Variants in EXTL3 observed in about 807,000 individuals in gnomAD.
EXTL3 encodes the protein exostosin-like 3.
In EXTL3, 27 loss-of-function variants were observed where a neutral mutation model predicts 69.3. The observed-to-expected ratio is 0.39, with a 90% confidence interval of 0.29 to 0.54. The LOEUF (loss-of-function observed/expected upper bound fraction) is 0.54, where lower values mean the gene tolerates loss of function less well. Ranked by LOEUF, EXTL3 falls within the 20% of genes least tolerant of loss-of-function variation. EXTL3 has a pLI of 0.69. For missense variants in EXTL3, 1,003 were observed against 1,231.8 expected, an observed-to-expected ratio of 0.81 and a Z score of 2.78; for synonymous variants, 511 against 499.4, an observed-to-expected ratio of 1.02 and a Z score of -0.31.
chr8:28,702,105 C>T (rs1446695535), intron 1 of EXTL3, among the ~76,000 whole-genome samples: 2 of 152,216 alleles, frequency 1.3e-5, no homozygotes, highest in Admixed American at 6.5e-5. Context: ...CTTCTGTCGG[C>T]GGAGGCGCAG....
upstream of EXTL3, chr8:28,622,636 C>G (rs1738522365): frequency 6.7e-6 from 1 of 150,000 alleles, no homozygotes; most frequent in Non-Finnish European, 1.5e-5. Flanking sequence ...GAGCCGGGAG[C>G]CTCCCAGGGG....
chr8:28,744,724 C>T (rs369915132), intron 6 of EXTL3, among the ~76,000 whole-genome samples: 2 of 151,186 alleles, frequency 1.3e-5, no homozygotes, highest in South Asian at 2.1e-4. Flanking sequence ...AACCTGGAGG[C>T]GGAGGTTGCA....
In EXTL3 at chr8:28,737,582, C is replaced by G; in HGVS notation, c.2340C>G (p.Ile780Met). ...CTGGCCGTTACCACGCATGGGACAT[C>G]CCCCATCAGTCCTGGCTCTACAACT... ...GFPGRYHAWD[I>M]PHQSWLYNSN... Residue 780 changes from isoleucine to methionine, a missense_variant, in exon 5 of 7, where the codon ATC becomes ATG. Ile to Met is a conservative substitution (Grantham distance 10, BLOSUM62 1). Around this residue, in one of 2 missense-constraint regions of EXTL3, gnomAD observed 261 missense variants for 416.4 expected, o/e 0.63. Transcript: ENST00000220562. 1.2e-6 allele frequency: 2 copies of G among 1,614,032 alleles called. No individual in the cohort carries two copies.
chr8:28,724,047 A>T lies in EXTL3; in HGVS notation c.2148+5840A>T, dbSNP rs540896553. On this transcript the variant is annotated intron_variant, in intron 3 of 6. Transcript: ENST00000220562. The stretch of plus-strand genomic sequence containing the variant: ...CTTGTTTTTTTAAATAAAGATATGT[A>T]TAAAATATAGAAAATGTATAAAAAT... Among the ~76,000 whole-genome samples, 17 of 152,074 alleles carry T rather than the reference A, an allele frequency of 1.1e-4. 1 individual carries two copies. The South Asian group carries it at 3.1e-3, about 28-fold the overall frequency.
chr8:28,753,821 G>C lies in EXTL3; in HGVS notation c.*2955G>C, dbSNP rs1301894562. The C allele has an allele frequency of 6.6e-6, 1 of 152,358 alleles. No homozygotes were observed. Among genetic ancestry groups the C allele is most frequent in the African/African-American group, 2.4e-5 (1 of 41,430 alleles). 9.4% of individuals were successfully genotyped at this position (152,358 alleles called of 1,614,324 possible). A position where few individuals can be genotyped will look rare whatever the true frequency, so the allele number is the denominator to read the frequency against. ...TGGGCCTGCTCGCAGAAGACGATGG[G>C]AGGCAGCCTGACCAGGCCCTGGTGT... On this transcript the variant is annotated 3_prime_UTR_variant, in exon 7 of 7. Coordinates refer to ENST00000220562, the MANE Select transcript of EXTL3 (RefSeq NM_001440.4).
At chr8:28,708,861 G>A (rs776111115) in intron 1 of EXTL3, among the ~76,000 whole-genome samples, 2 of 152,178 alleles carry the variant, frequency 1.3e-5, no homozygotes, top group Non-Finnish European at 2.9e-5. Context: ...AGGCACAGTG[G>A]CAAACATCTT....
upstream of EXTL3, chr8:28,699,427 G>A (rs1444216174): frequency 6.5e-6 from 1 of 152,968 alleles, no homozygotes; most frequent in Non-Finnish European, 1.5e-5. Context: ...GGGAGCAGGA[G>A]AGTGCAGACT....
chr8:28,685,185 C>T (rs746424476), intron 1 of EXTL3, among the ~76,000 whole-genome samples: 2 of 152,054 alleles, frequency 1.3e-5, no homozygotes, highest in African/African-American at 2.4e-5. Flanking sequence ...CTCCTGACAT[C>T]GTGATCCACC....
chr8:28,726,626 G>A (rs535183363), intron 3 of EXTL3, among the ~76,000 whole-genome samples: 1 of 152,150 alleles, frequency 6.6e-6, no homozygotes, highest in Non-Finnish European at 1.5e-5. Context: ...TGCACTATAG[G>A]ATCTGGCAGC....
intron 1 of EXTL3, among the ~76,000 whole-genome samples, chr8:28,710,003 G>A (rs1563212147): frequency 6.6e-6 from 1 of 152,192 alleles, no homozygotes; most frequent in Non-Finnish European, 1.5e-5. Context: ...AGCAGATGGC[G>A]ACTTCTGCTT....
At chr8:28,744,749 C>T (rs554480632) in intron 6 of EXTL3, among the ~76,000 whole-genome samples, 9 of 151,366 alleles carry the variant, frequency 5.9e-5, no homozygotes, top group East Asian at 5.9e-4. Flanking sequence ...GCCAAGATCG[C>T]GCCACTGCAC....
chr8:28,688,613 T>A (rs1381389233), intron 1 of EXTL3, among the ~76,000 whole-genome samples: 1 of 152,198 alleles, frequency 6.6e-6, no homozygotes, highest in African/African-American at 2.4e-5. Flanking sequence ...GAACAAGGAT[T>A]CAAATCTAAA....
chr8:28,746,937 G>A (rs1312629117), intron 6 of EXTL3, among the ~76,000 whole-genome samples: 3 of 152,182 alleles, frequency 2.0e-5, no homozygotes, highest in Non-Finnish European at 4.4e-5. Flanking sequence ...GCCTCCCAAA[G>A]TGCTGGGATT....
At chr8:28,613,014 C>T (rs1806291060) in intron 2 of EXTL3, among the ~76,000 whole-genome samples, 1 of 152,046 alleles carries the variant, frequency 6.6e-6, no homozygotes, top group Admixed American at 6.6e-5. Flanking sequence ...TCACCACACC[C>T]AGTCTATAAT....
upstream of EXTL3, chr8:28,697,055 C>CTTATGAATACTGTTATGCTTTT: frequency 6.6e-6 from 1 of 152,228 alleles, no homozygotes; most frequent in South Asian, 2.1e-4. Flanking sequence ...CTCATGAGTA[C>CTTATGAATACTGTTATGCTTTT]TTATGAATAC....
chr8:28,620,091 T>C (rs74765586), upstream of EXTL3, among the ~76,000 whole-genome samples: 1 of 106,252 alleles, frequency 9.4e-6, no homozygotes, highest in Middle Eastern at 4.8e-3. Flanking sequence ...ACCAGGATGG[T>C]CTCGATCTCT....
chr8:28,641,004 A>G (rs1416649931), intron 1 of EXTL3, among the ~76,000 whole-genome samples: 4 of 152,162 alleles, frequency 2.6e-5, no homozygotes, highest in Admixed American at 1.3e-4. Flanking sequence ...TTTAAAATGT[A>G]CTTTTGGATC....
chr8:28,719,656 A>G (rs920669266), intron 3 of EXTL3, among the ~76,000 whole-genome samples: 1 of 152,116 alleles, frequency 6.6e-6, no homozygotes, highest in South Asian at 2.1e-4. Context: ...TAAATAGGGA[A>G]TTTTTTTAAT....
At position 28,750,876 on chromosome 8, in the gene EXTL3, A is replaced by C; in HGVS notation, c.*10A>C. 1 of 1,612,652 alleles carries C rather than the reference A, an allele frequency of 6.2e-7. No homozygotes were observed. Among genetic ancestry groups the C allele is most frequent in the South Asian group, 1.1e-5 (1 of 91,052 alleles). Reference sequence around the variant, plus strand: ...CTTCAAGTTCATCTAGGGGCAGCGCACGGTCTGGGGAAGAGGATGAGCAGA... The same window carrying C: ...CTTCAAGTTCATCTAGGGGCAGCGCCCGGTCTGGGGAAGAGGATGAGCAGA... On this transcript the variant is annotated 3_prime_UTR_variant, in exon 7 of 7. Transcript: ENST00000220562. This position sits in a 1 kb window ranked among gnomAD's most constrained non-coding sequence, Gnocchi z 5.2.
Sources: allele counts gnomAD v4.1 joint callset (sites outside exome capture counted in the v4.1 genomes callset), GRCh38; gene constraint gnomAD v4.1.1; regional missense constraint gnomAD v4.1.1; non-coding constraint Gnocchi (gnomAD v3.1); transcripts MANE v1.5; gene names NCBI Gene and HGNC (gene_info 2026-07-23, HGNC 2026-07-21).